The following GABRD variants were observed in gnomAD, a reference collection of about 807,000 sequenced individuals.
GABRD encodes the protein gamma-aminobutyric acid receptor subunit delta.
GABRD carries 25 observed loss-of-function variants against 47.3 expected under a neutral mutation model. The observed-to-expected ratio is 0.53, with a 90% CI of 0.39 to 0.74. The LOEUF is 0.74. GABRD is among the 30% of genes least tolerant of loss of function. The pLI, the probability that GABRD is intolerant of heterozygous loss-of-function variation, is 0.00. For synonymous variants in GABRD, 314 were observed against 278.8 expected (o/e 1.13, Z -1.26); for missense variants, 497 against 643.4 (o/e 0.77, Z 2.46).
chr1:2,026,227 C>T (rs1294062918), intron 4 of GABRD, among the ~76,000 whole-genome samples: 1 of 152,322 alleles, frequency 6.6e-6, no homozygotes, highest in Non-Finnish European at 1.5e-5. Context: ...AGAAACATTT[C>T]ATCGAAAGGG....
chr1:2,026,284 T>G (rs1246895317), intron 4 of GABRD, among the ~76,000 whole-genome samples: 1 of 152,172 alleles, frequency 6.6e-6, no homozygotes, highest in African/African-American at 2.4e-5. Context: ...GCTTCGTTAC[T>G]CAGCATCACG....
chr1:2,022,507 C>G (rs907640728), intron 1 of GABRD: 1 of 152,286 alleles, frequency 6.6e-6, no homozygotes, highest in Admixed American at 6.5e-5. Context: ...TTCGTGCCCC[C>G]CCACATGTGC....
chr1:2,028,416 A>G lies in GABRD; in HGVS notation c.691+124A>G. 8.8e-7 allele frequency: 1 copy of G among 1,135,386 alleles called. No homozygotes were observed. Among genetic ancestry groups the G allele is most frequent in the Non-Finnish European group, 1.1e-6 (1 of 882,144 alleles). The allele number at this position is 1,135,386 out of a possible 1,614,324, so 70.3% of individuals were successfully genotyped here. A position where few individuals can be genotyped will look rare whatever the true frequency, so the allele number is the denominator to read the frequency against. On this transcript the variant is annotated intron_variant, in intron 6 of 8. Transcript: ENST00000378585. This position sits in a 1 kb window ranked among gnomAD's most constrained non-coding sequence, Gnocchi z 6.4. The stretch of plus-strand genomic sequence containing the variant: ...CCCGCCTGTGGTTTTCATGCTTTTT[A>G]GTCAAGCGCCCGCAGGCCCCCAGGG...
Position 2,029,178 on chromosome 1 carries a change from A to G in GABRD, c.759A>G (p.Gln253=), listed in dbSNP as rs763781918. 1.1e-5 allele frequency: 17 copies of G among 1,558,762 alleles called. No individual in the cohort carries two copies. The East Asian group carries it at 3.8e-4, about 35-fold the overall frequency. Residue 253 remains glutamine (Q), a synonymous_variant, in exon 7 of 9, where the codon CAA becomes CAG. Coordinates refer to ENST00000378585, the MANE Select transcript of GABRD (RefSeq NM_000815.5). ...LRRNRGVYII[Q]SYMPSVLLVA... ...GGAACCGCGGCGTGTACATCATCCAATCCTACATGCCCTCCGTCCTGCTGG... is the reference window on the plus strand; with the variant it reads ...GGAACCGCGGCGTGTACATCATCCAGTCCTACATGCCCTCCGTCCTGCTGG...
At chr1:2,024,774 C>T in intron 1 of GABRD, 168 bp from the exon 2 acceptor site, 1 of 573,238 alleles carries the variant, frequency 1.7e-6, no homozygotes, top group Admixed American at 3.0e-5. Flanking sequence ...CTGTGTCCAG[C>T]CAGAGGCTTG....
intron 1 of GABRD, among the ~76,000 whole-genome samples, chr1:2,019,728 C>T (rs931959504): frequency 1.8e-4 from 28 of 152,182 alleles, no homozygotes; most frequent in African/African-American, 6.3e-4. Context: ...CCGCCCGGTG[C>T]TGTCCGCCGT....
rs1658715714 is a variant in GABRD, at chr1:2,019,498, G to T, written c.68+7G>T. The T allele has an allele frequency of 4.5e-5, 50 of 1,111,820 alleles. No homozygotes were observed. Among genetic ancestry groups the T allele is most frequent in the Non-Finnish European group, 5.5e-5 (50 of 912,480 alleles). The allele number at this position is 1,111,820 out of a possible 1,614,324, so 68.9% of individuals were successfully genotyped here. ...AGCAGCTCCGCGGCACCAGGTGAGC[G>T]GGCGGGGTCCGCGCGGCGCGGGGTC... On this transcript the variant is annotated splice_region_variant and intron_variant, in intron 1 of 8. Coordinates refer to ENST00000378585, the MANE Select transcript of GABRD (RefSeq NM_000815.5).
chr1:2,022,045 G>A (rs1030265818), intron 1 of GABRD, among the ~76,000 whole-genome samples: 18 of 152,304 alleles, frequency 1.2e-4, no homozygotes, highest in Non-Finnish European at 2.5e-4. Context: ...TCCTAAATCT[G>A]AGTGTAGACT....
intron 5 of GABRD, chr1:2,027,874 A>G (rs75557444): frequency 0.023 from 14,118 of 626,300 alleles, 762 homozygotes; most frequent in African/African-American, 0.15. Context: ...GAGCCGGGCC[A>G]TGGAGCCCAG....
chr1:2,023,297 G>C (rs1658831667), intron 1 of GABRD, among the ~76,000 whole-genome samples: 1 of 152,002 alleles, frequency 6.6e-6, no homozygotes, highest in African/African-American at 2.4e-5. Flanking sequence ...AGAGTAGGCT[G>C]CAGGTGATCT....
chr1:2,025,868 G>C lies in GABRD; in HGVS notation c.470+130G>C, dbSNP rs550493196. On this transcript the variant is annotated intron_variant, in intron 4 of 8. Transcript: ENST00000378585. The stretch of plus-strand genomic sequence containing the variant: ...GGGAGCTGGCGGGCGGGCGGAGGGG[G>C]GGGCAGAAGCTGCGCGGTTATTTAT... 9.6e-6 allele frequency: 7 copies of C among 730,472 alleles called. No individual in the cohort carries two copies. The Admixed American group carries it at 1.3e-4, about 14-fold the overall frequency. The allele number at this position is 730,472 out of a possible 1,614,324, so 45.2% of individuals were successfully genotyped here.
chr1:2,027,498 ATC>A, intron 4 of GABRD, 77 bp from the exon 5 acceptor site: 10 of 1,151,236 alleles, frequency 8.7e-6, no homozygotes, highest in Non-Finnish European at 1.2e-5. Flanking sequence ...CTCAGGGGGC[ATC>A]TCTGCAGGGG....
In GABRD at chr1:2,030,448, A is replaced by C; in HGVS notation, c.*166A>C. 1.7e-6 allele frequency: 1 copy of C among 572,788 alleles called. No individual in the cohort carries two copies. 35.5% of individuals were successfully genotyped at this position (572,788 alleles called of 1,614,324 possible). Reference sequence around the variant, plus strand: ...GAAGCCTCGGCCTCCCTGAGCTCTGACCCCAGCCTCACCCGAAAGGCCAGC... The same window carrying C: ...GAAGCCTCGGCCTCCCTGAGCTCTGCCCCCAGCCTCACCCGAAAGGCCAGC... On this transcript the variant is annotated 3_prime_UTR_variant, in exon 9 of 9. Transcript: ENST00000378585.
At position 2,030,207 on chromosome 1, in the gene GABRD, C is replaced by G. The variant is rs749606562; in HGVS notation, c.1284C>G (p.Asp428Glu). 4 of 1,561,230 alleles carry G rather than the reference C, an allele frequency of 2.6e-6. No individual in the cohort carries two copies. ...GGCCCATCGACGCAGACACCATTGA[C>G]ATTTACGCCCGCGCTGTGTTCCCTG... ...RLRPIDADTIDIYARAVFPAA... is the reference protein window; with the variant it reads ...RLRPIDADTIEIYARAVFPAA... The change falls in exon 9 of 9, where the codon GAC becomes GAG. Residue 428 changes from aspartate to glutamate, a missense_variant. This residue lies in a region of GABRD where 121 missense variants were observed against 121.3 expected (regional missense o/e 1.00). Coordinates refer to ENST00000378585, the MANE Select transcript of GABRD (RefSeq NM_000815.5).
chr1:2,027,464 A>C (rs947772932), intron 4 of GABRD, 113 bp from the exon 5 acceptor site: 7 of 804,628 alleles, frequency 8.7e-6, no homozygotes, highest in Non-Finnish European at 1.3e-5. Context: ...CAGTCTGAGA[A>C]GTAGCTGGGG....
chr1:2,028,339 C>A lies in GABRD; in HGVS notation c.691+47C>A. On this transcript the variant is annotated intron_variant, in intron 6 of 8. Transcript: ENST00000378585. The surrounding 1 kb of genome is among the most constrained non-coding windows in gnomAD (Gnocchi z 6.4). Reference sequence around the variant, plus strand: ...TTCCGCATGTGCCCGCCGCCCCTTCCGCGCGCGCCCACCGCCCCTTCCGCG... The same window carrying A: ...TTCCGCATGTGCCCGCCGCCCCTTCAGCGCGCGCCCACCGCCCCTTCCGCG... 1 of 1,551,464 alleles carries A rather than the reference C, an allele frequency of 6.4e-7. No individual in the cohort carries two copies. Among genetic ancestry groups the A allele is most frequent in the Non-Finnish European group, 8.7e-7 (1 of 1,145,622 alleles).
At chr1:2,024,585 G>A (rs891474513) in intron 1 of GABRD, 23 of 176,532 alleles carry the variant, frequency 1.3e-4, no homozygotes, top group Admixed American at 3.5e-4. Context: ...ACCCGAGGCC[G>A]GCCTCCGCGG....
In GABRD at chr1:2,025,040, G is replaced by A. The variant is rs757310515; in HGVS notation, c.167G>A (p.Arg56Gln). 1.2e-5 allele frequency: 20 copies of A among 1,612,340 alleles called. No individual in the cohort carries two copies. The highest frequency in any genetic ancestry group is 1.5e-5 in the Non-Finnish European group (18 of 1,179,630). Residue 56 changes from arginine to glutamine, a missense_variant, in exon 2 of 9, where the codon CGG becomes CAG. Physicochemically the swap from Arg to Gln is conservative, Grantham distance 43. Transcript: ENST00000378585. ...GLIAGYARNFRPGIGGPPVNV... is the reference protein window; with the variant it reads ...GLIAGYARNFQPGIGGPPVNV... ...ATAGCCGGCTACGCCCGCAACTTCC[G>A]GCCTGGCATCGGAGGTGAGGGGCGG...
chr1:2,029,927 C>A, intron 8 of GABRD, 56 bp from the exon 9 acceptor site: 1 of 1,595,818 alleles, frequency 6.3e-7, no homozygotes, highest in African/African-American at 1.3e-5. Flanking sequence ...TGGTCCAGGG[C>A]CCTGGGAGCT....
Sources: gnomAD v4.1 joint callset for allele counts (sites outside exome capture counted in the v4.1 genomes callset) on GRCh38, gnomAD v4.1.1 for gene constraint, gnomAD v4.1.1 regional missense constraint, Gnocchi (gnomAD v3.1) non-coding constraint, MANE v1.5 for transcripts, NCBI Gene and HGNC (gene_info 2026-07-23, HGNC 2026-07-21) for gene names.